Variants in RBFOX1 observed in about 807,000 individuals in gnomAD.
RBFOX1 encodes RNA binding fox-1 homolog 1.
RBFOX1 carries 8 observed loss-of-function variants against 57.7 expected under a neutral mutation model. The observed-to-expected ratio is 0.14, with a 90% CI of 0.08 to 0.25. The LOEUF is 0.25. RBFOX1 is among the 10% of genes least tolerant of loss of function. The pLI is 1.00. For synonymous variants in RBFOX1, 326 were observed against 222.4 expected, an observed-to-expected ratio of 1.47 and a Z score of -4.15; for missense variants, 611 against 548.5, an observed-to-expected ratio of 1.11 and a Z score of -1.14.
intron 3 of RBFOX1, among the ~76,000 whole-genome samples, chr16:6,824,499 C>G (rs1052346408): frequency 1.3e-5 from 2 of 152,124 alleles, no homozygotes; most frequent in African/African-American, 4.8e-5. Context: ...GTAGTAAATT[C>G]TATATTTCAT....
At chr16:6,193,163 G>A (rs1159506746) in intron 1 of RBFOX1, among the ~76,000 whole-genome samples, 1 of 151,374 alleles carries the variant, frequency 6.6e-6, no homozygotes, top group African/African-American at 2.4e-5. Flanking sequence ...TTCATCCTAT[G>A]TCCTTATCTG....
intron 4 of RBFOX1, among the ~76,000 whole-genome samples, chr16:7,081,923 T>G (rs78930980): frequency 0.048 from 7,338 of 152,210 alleles, 393 homozygotes; most frequent in African/African-American, 0.13. Context: ...TAGTAGAAAT[T>G]GCTGGAGTTT....
intron 3 of RBFOX1, among the ~76,000 whole-genome samples, chr16:5,637,834 C>G (rs1284406931): frequency 1.3e-5 from 2 of 152,138 alleles, no homozygotes; most frequent in Non-Finnish European, 2.9e-5. Context: ...CTTAGCCCCA[C>G]TCTGGATTCC....
intron 1 of RBFOX1, chr16:5,260,935 G>C (rs1396961584): frequency 6.6e-6 from 1 of 152,248 alleles, no homozygotes; most frequent in African/African-American, 2.4e-5. Context: ...TTGTGGTCTT[G>C]TACATTTAGT....
intron 1 of RBFOX1, among the ~76,000 whole-genome samples, chr16:5,425,008 CTTTT>C (rs1430433278): frequency 2.6e-4 from 20 of 76,810 alleles, no homozygotes; most frequent in African/African-American, 8.7e-4. Context: ...CTTTTCTTTT[CTTTT>C]CTTTCTTGAT....
chr16:6,890,016 G>C (rs2065039864), intron 3 of RBFOX1, among the ~76,000 whole-genome samples: 1 of 152,152 alleles, frequency 6.6e-6, no homozygotes, highest in African/African-American at 2.4e-5. Context: ...ACCATTTATG[G>C]TTAATAATAG....
intron 2 of RBFOX1, among the ~76,000 whole-genome samples, chr16:6,448,777 T>G (rs192671263): frequency 2.8e-4 from 42 of 152,306 alleles, no homozygotes; most frequent in African/African-American, 3.8e-4. Context: ...TATTTTTTTG[T>G]GCCTTCAGCC....
chr16:6,610,212 T>C (rs1487878998), intron 2 of RBFOX1, among the ~76,000 whole-genome samples: 1 of 152,232 alleles, frequency 6.6e-6, no homozygotes, highest in African/African-American at 2.4e-5. Context: ...AGAGTGCATC[T>C]ATGTTTTCTT....
At chr16:5,720,950 TGTCAATTTCAGCCGA>T (rs1480833357) in intron 3 of RBFOX1, among the ~76,000 whole-genome samples, 1 of 152,214 alleles carries the variant, frequency 6.6e-6, no homozygotes, top group African/African-American at 2.4e-5. Context: ...AGAGTCAGCT[TGTCAATTTCAGCCGA>T]AATGGCAAGT....
At chr16:7,565,746 G>A (rs888724768) in intron 5 of RBFOX1, among the ~76,000 whole-genome samples, 2 of 152,210 alleles carry the variant, frequency 1.3e-5, no homozygotes, top group Non-Finnish European at 2.9e-5. Flanking sequence ...GGTGGAGGAT[G>A]GAGCAGCAGC....
chr16:6,570,103 T>G (rs2097324585), intron 2 of RBFOX1, among the ~76,000 whole-genome samples: 1 of 152,226 alleles, frequency 6.6e-6, no homozygotes, highest in South Asian at 2.1e-4. Flanking sequence ...GTTTAAATAA[T>G]GGACTACAGA....
intron 2 of RBFOX1, among the ~76,000 whole-genome samples, chr16:5,545,633 G>T (rs757059461): frequency 6.6e-6 from 1 of 151,912 alleles, no homozygotes; most frequent in Non-Finnish European, 1.5e-5. Flanking sequence ...ACAGAAAAAC[G>T]TAAGAATTTA....
intron 1 of RBFOX1, among the ~76,000 whole-genome samples, chr16:5,420,771 A>G (rs1184873373): frequency 1.3e-5 from 2 of 151,904 alleles, no homozygotes; most frequent in African/African-American, 2.4e-5. Flanking sequence ...CTTGGCCTCA[A>G]GCGATTCACC....
At chr16:5,730,841 C>T (rs1025236019) in intron 3 of RBFOX1, among the ~76,000 whole-genome samples, 3 of 152,156 alleles carry the variant, frequency 2.0e-5, no homozygotes, top group Non-Finnish European at 4.4e-5. Flanking sequence ...TTATCATCAT[C>T]ATTGTCATTA....
intron 1 of RBFOX1, among the ~76,000 whole-genome samples, chr16:6,052,700 C>G (rs557170539): frequency 2.6e-5 from 4 of 151,794 alleles, no homozygotes; most frequent in Non-Finnish European, 5.9e-5. Flanking sequence ...AGGAGAATGG[C>G]GTGAACCCGG....
At chr16:5,276,519 T>G (rs540407034) in intron 1 of RBFOX1, among the ~76,000 whole-genome samples, 1 of 152,316 alleles carries the variant, frequency 6.6e-6, no homozygotes, top group East Asian at 1.9e-4. Flanking sequence ...GCGCCGTGGC[T>G]GACGCGTGTA....
At chr16:5,828,369 A>T (rs1020331695) in intron 3 of RBFOX1, among the ~76,000 whole-genome samples, 6 of 152,202 alleles carry the variant, frequency 3.9e-5, no homozygotes, top group African/African-American at 1.4e-4. Flanking sequence ...AGGTGGTGTG[A>T]TGAGGTCTGA....
chr16:5,385,636 C>T (rs961373617), intron 1 of RBFOX1, among the ~76,000 whole-genome samples: 6 of 152,122 alleles, frequency 3.9e-5, no homozygotes, highest in Non-Finnish European at 8.8e-5. Context: ...CAGAATTTGC[C>T]GGAAGGTTCT....
chr16:5,893,933 G>A (rs1333812715), intron 4 of RBFOX1, among the ~76,000 whole-genome samples: 2 of 152,138 alleles, frequency 1.3e-5, no homozygotes, highest in Non-Finnish European at 1.5e-5. Flanking sequence ...CCACAGCCAT[G>A]TCCGTCATTC....
Sources: allele counts gnomAD v4.1 joint callset (sites outside exome capture counted in the v4.1 genomes callset), GRCh38; gene constraint gnomAD v4.1.1; transcripts MANE v1.5; gene names NCBI Gene and HGNC (gene_info 2026-07-23, HGNC 2026-07-21).